The following OPN1SW variants were observed in gnomAD, a reference collection of about 807,000 sequenced individuals.
The protein encoded by OPN1SW is opsin 1, short wave sensitive.
OPN1SW carries 25 observed loss-of-function variants against 31.9 expected under a neutral mutation model. The ratio of observed to expected loss-of-function variants is 0.78; its 90% CI spans 0.57 to 1.09. The LOEUF is 1.09. OPN1SW is among the 50% of genes least tolerant of loss of function. The probability of loss-of-function intolerance (pLI) is 0.00; values close to 1 mark genes in which losing one functional copy is unlikely to be tolerated. For missense variants in OPN1SW, 424 were observed against 448.0 expected (o/e 0.95, Z 0.48); for synonymous variants, 190 against 171.9 (o/e 1.11, Z -0.82).
rs1316690799 is a variant in OPN1SW, at chr7:128,773,842, C to T, written c.725G>A (p.Arg242Gln). 4.3e-6 allele frequency: 7 copies of T among 1,613,624 alleles called. No homozygotes were observed. The highest frequency in any genetic ancestry group is 5.9e-6 in the Non-Finnish European group (7 of 1,180,018). ...QESATTQKAE[R>Q]EVSRMVVVMV... ...CACAACCACCATGCGGCTCACCTCC[C>T]GTTCAGCCTTCTGGGTCGTAGCTGA... Residue 242 changes from arginine to glutamine, a missense_variant, in exon 4 of 5, where the codon CGG becomes CAG. Physicochemically the swap from Arg to Gln is conservative, Grantham distance 43 (BLOSUM62 1). Transcript: ENST00000249389.
rs777251068 is a variant in OPN1SW at position 128,772,674 on chromosome 7, A to T, written c.919-15T>A. 6.2e-6 allele frequency: 10 copies of T among 1,613,934 alleles called. No individual in the cohort carries two copies. The South Asian group carries it at 7.7e-5, about 12-fold the overall frequency. ...CAAGCTTGGAACTGGAGAGAAAGGT[A>T]CAATTGGAGATAACCTTGGCAGATG... On this transcript the variant is annotated splice_polypyrimidine_tract_variant and intron_variant, in intron 4 of 4. Transcript: ENST00000249389.
chr7:128,775,356 T>G, intron 1 of OPN1SW, 83 bp downstream of exon 1: 1 of 1,433,306 alleles, frequency 7.0e-7, no homozygotes. Flanking sequence ...CCAGACTCAT[T>G]TCCCCCAGAC....
intron 4 of OPN1SW, among the ~76,000 whole-genome samples, chr7:128,772,918 A>G (rs1801648502): frequency 6.6e-6 from 1 of 152,222 alleles, no homozygotes; most frequent in Non-Finnish European, 1.5e-5. Context: ...GCTTCATAAA[A>G]GCACTGTCAG....
chr7:128,773,610 G>A (rs778992822), intron 4 of OPN1SW, 39 bp downstream of exon 4: 2 of 1,613,606 alleles, frequency 1.2e-6, no homozygotes, highest in Non-Finnish European at 8.5e-7. Flanking sequence ...AAAGAACCAG[G>A]GTCTTCTGGA....
In OPN1SW at chr7:128,774,848, C is replaced by T. The variant is rs1801724570; in HGVS notation, c.512+138G>A. ...CTGCAGAGTAAACGTTAGCACTTGT[C>T]TCCCACTGCCCTTTCGCCTCATATT... On this transcript the variant is annotated intron_variant, in intron 2 of 4. Transcript: ENST00000249389. The T allele has an allele frequency of 3.8e-6, 5 of 1,331,844 alleles. No individual in the cohort carries two copies. In the Admixed American group the frequency reaches 7.8e-5, roughly 21 times the overall value. 82.5% of individuals were successfully genotyped at this position (1,331,844 alleles called of 1,614,324 possible).
chr7:128,773,520 C>CG, intron 4 of OPN1SW, 129 bp downstream of exon 4: 1 of 1,264,014 alleles, frequency 7.9e-7, no homozygotes, highest in Admixed American at 1.7e-5. Context: ...CCAACCTACT[C>CG]GGGGGTTTTG....
At chr7:128,774,226 T>G (rs530090242) in intron 3 of OPN1SW, among the ~76,000 whole-genome samples, 1 of 152,306 alleles carries the variant, frequency 6.6e-6, no homozygotes, top group African/African-American at 2.4e-5. Flanking sequence ...CCCAAAGTGC[T>G]GGGATTATAG....
chr7:128,774,254 C>T (rs1405586353), intron 3 of OPN1SW, among the ~76,000 whole-genome samples: 2 of 152,128 alleles, frequency 1.3e-5, no homozygotes, highest in African/African-American at 4.8e-5. Flanking sequence ...CCACTGCGCC[C>T]GGTCTCTGGA....
rs753673762 is a variant in OPN1SW at position 128,775,640 on chromosome 7, GT to G, written c.141del (p.Leu48SerfsTer66). 38 of 1,614,074 alleles carry G rather than the reference GT, an allele frequency of 2.4e-5. No homozygotes were observed. Among genetic ancestry groups the G allele is most frequent in the Non-Finnish European group, 3.1e-5 (37 of 1,180,020 alleles). ...GTGGCCACCAGCACCATGGCATTGA[GT>G]GGGAACCCTATAAGGAAGACAGTGC... ...FMGTVFLIGF[P>X]LNAMVLVATL... is the part of the protein sequence containing the mutation. On this transcript the variant is annotated frameshift_variant, in exon 1 of 5. Transcript: ENST00000249389. LOFTEE classifies it high-confidence loss of function.
chr7:128,773,193 C>T lies in OPN1SW; in HGVS notation c.918+456G>A, dbSNP rs117607581. 9.7e-3 allele frequency among the ~76,000 whole-genome samples: 1,477 copies of T among 152,242 alleles called. 15 individuals carry two copies. Among genetic ancestry groups the T allele is most frequent in the Non-Finnish European group, 0.016 (1,078 of 68,022 alleles). ...ATGATTTCTGTGCTTCACACATGCT[C>T]GTGCAGGCTAAAAGTTGGAAGGGAA... On this transcript the variant is annotated intron_variant, in intron 4 of 4. Transcript: ENST00000249389.
rs1473119037 is a variant in OPN1SW, at chr7:128,772,736, A to C, written c.919-77T>G. 27 of 1,590,400 alleles carry C rather than the reference A, an allele frequency of 1.7e-5. No individual in the cohort carries two copies. In the Admixed American group the frequency reaches 4.2e-4, roughly 25 times the overall value. ...GAAAAAAGACCTTATTCTCTGTATCACCAAAGCCTTGCACAATGCTTTGTA... is the reference window on the plus strand; with the variant it reads ...GAAAAAAGACCTTATTCTCTGTATCCCCAAAGCCTTGCACAATGCTTTGTA... On this transcript the variant is annotated intron_variant, in intron 4 of 4. Transcript: ENST00000249389.
At chr7:128,774,444 C>T in intron 3 of OPN1SW, 54 bp downstream of exon 3, 1 of 1,606,758 alleles carries the variant, frequency 6.2e-7, no homozygotes, top group East Asian at 2.2e-5. Context: ...AGCACTCTTC[C>T]TTCTCATGTG....
intron 2 of OPN1SW, 108 bp downstream of exon 2, chr7:128,774,878 C>T (rs930627724): frequency 1.4e-6 from 2 of 1,480,800 alleles, no homozygotes; most frequent in African/African-American, 2.8e-5. Flanking sequence ...CATATTGCAA[C>T]TCTTTAAAAG....
chr7:128,774,362 T>TCC, intron 3 of OPN1SW, 136 bp downstream of exon 3: 2 of 1,188,452 alleles, frequency 1.7e-6, no homozygotes, highest in South Asian at 2.5e-5. Flanking sequence ...TCATTCTCCC[T>TCC]CCTCCTACTT....
Position 128,774,968 on chromosome 7 carries a change from A to G in OPN1SW, c.512+18T>C. On this transcript the variant is annotated intron_variant, in intron 2 of 4. Coordinates refer to ENST00000249389, the MANE Select transcript of OPN1SW (RefSeq NM_001385125.1). ...CTGAGCTCCTAGTTAACTCAGCACC[A>G]CTGCCCTGCACTCTCACCGGCTCCA... 6.2e-7 allele frequency: 1 copy of G among 1,613,708 alleles called. No homozygotes were observed. The highest frequency in any genetic ancestry group is 8.5e-7 in the Non-Finnish European group (1 of 1,179,998).
intron 4 of OPN1SW, 39 bp downstream of exon 4, chr7:128,773,610 G>T: frequency 1.9e-6 from 3 of 1,613,724 alleles, no homozygotes; most frequent in Non-Finnish European, 2.5e-6. Flanking sequence ...AAAGAACCAG[G>T]GTCTTCTGGA....
rs376052530 is a variant in OPN1SW, at chr7:128,773,859, C to T, written c.708G>A (p.Thr236=). The T allele has an allele frequency of 3.4e-5, 55 of 1,613,044 alleles. No homozygotes were observed. The African/African-American group carries it at 4.8e-4, about 14-fold the overall frequency. The change falls in exon 4 of 5, where the codon ACG becomes ACA. Residue 236 remains threonine, a synonymous_variant. Coordinates refer to ENST00000249389, the MANE Select transcript of OPN1SW (RefSeq NM_001385125.1). ...AVAAQQQESA[T]TQKAEREVSR... is the part of the protein sequence containing the mutation. The stretch of plus-strand genomic sequence containing the variant: ...TCACCTCCCGTTCAGCCTTCTGGGT[C>T]GTAGCTGACTCCTGCTGCTGAGCTG...
At position 128,775,113 on chromosome 7, in the gene OPN1SW, G is replaced by T; in HGVS notation, c.385C>A (p.Arg129Ser). The change falls in exon 2 of 5, where the codon CGC becomes AGC. Residue 129 changes from arginine to serine, a missense_variant. Transcript: ENST00000249389. ...GWSLAFLAFE[R>S]YIVICKPFGN... ...AAGGGCTTACAGATGACAATGTAGCGCTCAAAGGCCAGGAAGGCCAGTGAC... is the reference window on the plus strand; with the variant it reads ...AAGGGCTTACAGATGACAATGTAGCTCTCAAAGGCCAGGAAGGCCAGTGAC... 2.5e-6 allele frequency: 4 copies of T among 1,614,164 alleles called. No individual in the cohort carries two copies. The highest frequency in any genetic ancestry group is 1.3e-5 in the African/African-American group (1 of 75,036).
rs773239506 is a variant in OPN1SW at position 128,775,145 on chromosome 7, G to A, written c.353C>T (p.Thr118Ile). Residue 118 changes from threonine (T) to isoleucine (I), a missense_variant, in exon 2 of 5, where the codon ACA (threonine) becomes ATA (isoleucine). By Grantham distance (89) the Thr-to-Ile change is moderately conservative. Coordinates refer to ENST00000249389, the MANE Select transcript of OPN1SW (RefSeq NM_001385125.1). ...GGCCAGGAAGGCCAGTGACCATCCT[G>A]TAACCAGACCTGTGGTGAAATGTGA... ...GFLGTVAGLV[T>I]GWSLAFLAFE... 1.5e-5 allele frequency: 25 copies of A among 1,613,974 alleles called. No homozygotes were observed. The highest frequency in any genetic ancestry group is 2.0e-5 in the Non-Finnish European group (24 of 1,179,998).
Sources: allele counts gnomAD v4.1 joint callset (sites outside exome capture counted in the v4.1 genomes callset), GRCh38; gene constraint gnomAD v4.1.1; transcripts MANE v1.5; gene names NCBI Gene and HGNC (gene_info 2026-07-23, HGNC 2026-07-21).